MYO16: variants seen among roughly 807,000 people sequenced by gnomAD.
MYO16 encodes myosin XVI.
Under a neutral mutation model 205.3 loss-of-function variants are expected in MYO16, and 94 were observed. That is an observed-to-expected ratio of 0.46 (90% CI 0.39 to 0.54). The LOEUF (loss-of-function observed/expected upper bound fraction) is 0.54, where lower values mean the gene tolerates loss of function less well. Ranked by LOEUF, MYO16 falls within the 20% of genes least tolerant of loss-of-function variation. The pLI is 0.00. For missense variants in MYO16, 2,315 were observed against 2,387.5 expected (o/e 0.97, Z 0.63); for synonymous variants, 988 against 954.0 (o/e 1.04, Z -0.66).
rs770754907 is a variant in MYO16, at chr13:108,820,329, T to TA, written c.868-7dup. The TA allele has an allele frequency of 4.4e-6, 7 of 1,583,686 alleles. No individual in the cohort carries two copies. Among genetic ancestry groups the TA allele is most frequent in the Non-Finnish European group, 6.0e-6 (7 of 1,162,740 alleles). ...TGGTTCCCATTTCAATTATCTTTAA[T>TA]ATTTCAGACAAATCTGGTGAAACTT... On this transcript the variant is annotated splice_region_variant and splice_polypyrimidine_tract_variant and intron_variant, in intron 7 of 34. Transcript: ENST00000457511.
intron 28 of MYO16, among the ~76,000 whole-genome samples, chr13:109,118,869 AC>A (rs1433954512): frequency 6.6e-6 from 1 of 152,202 alleles, no homozygotes; most frequent in Non-Finnish European, 1.5e-5. Flanking sequence ...CTCAGTAGCC[AC>A]CCACTCATGT....
At chr13:109,110,567 C>A (rs1279945061) in intron 28 of MYO16, among the ~76,000 whole-genome samples, 1 of 152,160 alleles carries the variant, frequency 6.6e-6, no homozygotes, top group Non-Finnish European at 1.5e-5. Flanking sequence ...AGTTAAACTT[C>A]AGGAATAGTC....
intron 23 of MYO16, among the ~76,000 whole-genome samples, chr13:109,042,890 C>A (rs942578297): frequency 1.3e-5 from 2 of 152,190 alleles, no homozygotes; most frequent in African/African-American, 4.8e-5. Flanking sequence ...ATGCTTCCTA[C>A]AAAAATCAAA....
At chr13:108,911,482 G>A (rs1594389614) in intron 16 of MYO16, among the ~76,000 whole-genome samples, 1 of 152,180 alleles carries the variant, frequency 6.6e-6, no homozygotes, top group South Asian at 2.1e-4. Context: ...AGATGGAAGT[G>A]TACAAGGGGC....
rs569640254 is a variant in MYO16, at chr13:108,764,598, G to T, written c.508-21037G>T. Among the ~76,000 whole-genome samples, 106 of 152,206 alleles carry T rather than the reference G, an allele frequency of 7.0e-4. 2 individuals carry two copies. The highest frequency in any genetic ancestry group is 6.9e-3 in the Admixed American group (105 of 15,284). On this transcript the variant is annotated intron_variant, in intron 4 of 34. Coordinates refer to ENST00000457511, the MANE Select transcript of MYO16 (RefSeq NM_001198950.3). ...TCAGGGGAGATGACTGGCTTAGTAG[G>T]AAATGCAATATAAATGACTCAAAAT...
chr13:108,758,159 C>T lies in MYO16; in HGVS notation c.508-27476C>T, dbSNP rs1263871486. Among the ~76,000 whole-genome samples, 3 of 152,194 alleles carry T rather than the reference C, an allele frequency of 2.0e-5. No individual in the cohort carries two copies. The East Asian group carries it at 5.8e-4, about 29-fold the overall frequency. ...ACACCAAATCTTCAGGCGACTTGGT[C>T]TCGGACATCCAGTCTCCAGAACTGT... On this transcript the variant is annotated intron_variant, in intron 4 of 34. Transcript: ENST00000457511.
intron 22 of MYO16, among the ~76,000 whole-genome samples, chr13:109,016,056 G>A (rs1885803017): frequency 6.6e-6 from 1 of 152,008 alleles, no homozygotes; most frequent in African/African-American, 2.4e-5. Context: ...TATGATGTTA[G>A]GATGTCGATT....
At position 108,866,194 on chromosome 13, in the gene MYO16, T is replaced by A; in HGVS notation, c.1377T>A (p.Ile459=). The change falls in exon 12 of 35, where the codon ATT becomes ATA. Residue 459 remains isoleucine (I), a synonymous_variant. Coordinates refer to ENST00000457511, the MANE Select transcript of MYO16 (RefSeq NM_001198950.3). ...TTTCACAGACATTCATTGGAGACATTCTTTTGCTTGTTAACCCATACAAGG... is the reference window on the plus strand; with the variant it reads ...TTTCACAGACATTCATTGGAGACATACTTTTGCTTGTTAACCCATACAAGG... ...NNQIYTFIGD[I]LLLVNPYKEL... 4 of 1,604,200 alleles carry A rather than the reference T, an allele frequency of 2.5e-6. No individual in the cohort carries two copies. The highest frequency in any genetic ancestry group is 3.4e-6 in the Non-Finnish European group (4 of 1,174,176).
At chr13:108,553,393 C>T in the MYO16 span, among the ~76,000 whole-genome samples, 1 of 152,160 alleles carries the variant, frequency 6.6e-6, no homozygotes, top group Non-Finnish European at 1.5e-5. Context: ...TTGACAGGCT[C>T]TTTTATATTT....
chr13:109,144,132 A>T (rs1233864243), intron 32 of MYO16, among the ~76,000 whole-genome samples: 1 of 151,108 alleles, frequency 6.6e-6, no homozygotes, highest in African/African-American at 2.4e-5. Flanking sequence ...GTTCTGCCTC[A>T]GCCTCTCGAG....
At chr13:108,747,894 A>G (rs932529560) in intron 4 of MYO16, among the ~76,000 whole-genome samples, 8 of 152,256 alleles carry the variant, frequency 5.3e-5, no homozygotes, top group Admixed American at 1.3e-4. Flanking sequence ...TAGGAGAAAT[A>G]GTCAAACCCA....
At chr13:109,102,651 G>C (rs1342713696) in intron 28 of MYO16, among the ~76,000 whole-genome samples, 1 of 152,064 alleles carries the variant, frequency 6.6e-6, no homozygotes, top group Non-Finnish European at 1.5e-5. Context: ...CAATATCTGA[G>C]CAGTGGTCCC....
At chr13:109,057,251 A>G (rs975709568) in intron 27 of MYO16, among the ~76,000 whole-genome samples, 1 of 152,206 alleles carries the variant, frequency 6.6e-6, no homozygotes, top group Non-Finnish European at 1.5e-5. Context: ...ACAACATATG[A>G]GTTCAGCTTG....
chr13:108,675,586 A>G (rs781149904), intron 2 of MYO16, among the ~76,000 whole-genome samples: 2 of 152,204 alleles, frequency 1.3e-5, no homozygotes, highest in Non-Finnish European at 2.9e-5. Context: ...ATATACCTAG[A>G]TGGAAAGATG....
At chr13:108,744,996 C>T (rs1013360248) in intron 4 of MYO16, among the ~76,000 whole-genome samples, 2 of 152,102 alleles carry the variant, frequency 1.3e-5, no homozygotes, top group Admixed American at 1.3e-4. Context: ...TTTTAGAAGA[C>T]AAGCAATAAA....
intron 16 of MYO16, among the ~76,000 whole-genome samples, chr13:108,910,976 G>A (rs1881229778): frequency 6.6e-6 from 1 of 151,602 alleles, no homozygotes; most frequent in African/African-American, 2.4e-5. Context: ...TAGGGGAACA[G>A]TGTGAGTTTG....
intron 5 of MYO16, among the ~76,000 whole-genome samples, chr13:108,790,883 C>T (rs922294446): frequency 3.3e-5 from 5 of 152,060 alleles, no homozygotes; most frequent in Admixed American, 3.3e-4. Flanking sequence ...TAATTTGTTA[C>T]TTGTTTTTAA....
intron 4 of MYO16, among the ~76,000 whole-genome samples, chr13:108,734,331 A>T (rs1292881190): frequency 6.6e-6 from 1 of 152,150 alleles, no homozygotes; most frequent in Non-Finnish European, 1.5e-5. Flanking sequence ...GTGTGCAATT[A>T]ATTTCTATTT....
At chr13:109,153,113 T>A (rs1282776705) in intron 32 of MYO16, among the ~76,000 whole-genome samples, 1 of 152,174 alleles carries the variant, frequency 6.6e-6, no homozygotes, top group Non-Finnish European at 1.5e-5. Flanking sequence ...AACACTGCAT[T>A]TTTACTCATG....
Sources: gnomAD v4.1 joint callset for allele counts (sites outside exome capture counted in the v4.1 genomes callset) on GRCh38, gnomAD v4.1.1 for gene constraint, MANE v1.5 for transcripts, NCBI Gene and HGNC (gene_info 2026-07-23, HGNC 2026-07-21) for gene names.